Variants in PRORP observed in about 807,000 individuals in gnomAD.
The protein encoded by PRORP is protein only RNase P catalytic subunit.
A neutral mutation model predicts 59.4 loss-of-function variants in PRORP; 51 were observed. That is an observed-to-expected ratio of 0.86 (90% CI 0.69 to 1.08). PRORP has a LOEUF of 1.08. Among genes scored for constraint, PRORP ranks in the 50% least tolerant of loss-of-function variants. PRORP has a pLI of 0.00. For synonymous variants in PRORP, 231 were observed against 245.6 expected (o/e 0.94, Z 0.55); for missense variants, 646 against 690.3 (o/e 0.94, Z 0.72).
chr14:35,155,642 G>A (rs78317207), intron 4 of PRORP, among the ~76,000 whole-genome samples: 60 of 150,294 alleles, frequency 4.0e-4, no homozygotes, highest in African/African-American at 1.3e-3. Flanking sequence ...TTATAAAACA[G>A]TGCTTTCTTA....
intron 4 of PRORP, among the ~76,000 whole-genome samples, chr14:35,152,792 G>A (rs1262075486): frequency 1.3e-5 from 2 of 151,930 alleles, no homozygotes; most frequent in Non-Finnish European, 2.9e-5. Context: ...CATCCCAGAC[G>A]GGGAGGCGGA....
chr14:35,253,012 A>G (rs2050650798), intron 5 of PRORP, among the ~76,000 whole-genome samples: 1 of 152,180 alleles, frequency 6.6e-6, no homozygotes, highest in South Asian at 2.1e-4. Context: ...AATATTCTCA[A>G]GTCTCTTCCA....
At chr14:35,235,226 A>G in intron 5 of PRORP, 2 of 725,402 alleles carry the variant, frequency 2.8e-6, no homozygotes, top group Admixed American at 1.8e-5. Flanking sequence ...GAGCTTGGTG[A>G]TGCGAGCCAC....
At chr14:35,154,390 A>G (rs957028239) in intron 4 of PRORP, among the ~76,000 whole-genome samples, 1 of 152,138 alleles carries the variant, frequency 6.6e-6, no homozygotes, top group Non-Finnish European at 1.5e-5. Flanking sequence ...CCAAGTTGTT[A>G]TGTCTTGAGC....
At chr14:35,152,019 A>G (rs1486909045) in intron 4 of PRORP, among the ~76,000 whole-genome samples, 1 of 150,206 alleles carries the variant, frequency 6.7e-6, no homozygotes, top group African/African-American at 2.5e-5. Context: ...AGTGGAGGGA[A>G]GGTCAGCAGA....
intron 5 of PRORP, among the ~76,000 whole-genome samples, chr14:35,207,953 C>T (rs2049336376): frequency 6.6e-6 from 1 of 152,132 alleles, no homozygotes; most frequent in African/African-American, 2.4e-5. Flanking sequence ...AGTTCAAGAC[C>T]AGCCTGGCCA....
At chr14:35,240,201 T>G (rs1268122470) in intron 5 of PRORP, among the ~76,000 whole-genome samples, 1 of 152,142 alleles carries the variant, frequency 6.6e-6, no homozygotes, top group East Asian at 1.9e-4. Flanking sequence ...TATGCCAGTT[T>G]CCTTGCATTC....
chr14:35,140,879 G>T (rs1211993497), intron 4 of PRORP, among the ~76,000 whole-genome samples: 1 of 145,930 alleles, frequency 6.9e-6, no homozygotes, highest in Non-Finnish European at 1.5e-5. Flanking sequence ...TTAAACATTT[G>T]TTTACTGTAA....
At chr14:35,196,885 TC>T (rs1412937470) in intron 5 of PRORP, among the ~76,000 whole-genome samples, 7 of 152,180 alleles carry the variant, frequency 4.6e-5, no homozygotes, top group Non-Finnish European at 1.0e-4. Context: ...AAGTTAATGA[TC>T]AACTGTCAGG....
intron 4 of PRORP, among the ~76,000 whole-genome samples, chr14:35,170,241 A>G (rs1365567189): frequency 6.6e-6 from 1 of 152,118 alleles, no homozygotes; most frequent in Non-Finnish European, 1.5e-5. Context: ...GTTGGATTTA[A>G]GCATTTTATT....
At chr14:35,132,300 A>G (rs1595164882) in intron 4 of PRORP, among the ~76,000 whole-genome samples, 1 of 150,138 alleles carries the variant, frequency 6.7e-6, no homozygotes, top group African/African-American at 2.4e-5. Context: ...TCTACAAAAT[A>G]TATAAAAATT....
intron 4 of PRORP, among the ~76,000 whole-genome samples, chr14:35,151,994 G>T (rs1432422768): frequency 6.7e-6 from 1 of 150,106 alleles, no homozygotes; most frequent in Non-Finnish European, 1.5e-5. Flanking sequence ...GGATTTGGCA[G>T]GGTCATAGGA....
At chr14:35,187,879 G>A (rs1377493302) in intron 5 of PRORP, among the ~76,000 whole-genome samples, 1 of 149,816 alleles carries the variant, frequency 6.7e-6, no homozygotes, top group Non-Finnish European at 1.5e-5. Context: ...ACAGAGTCTC[G>A]CTTTGTCGCC....
chr14:35,153,063 T>C (rs1028563228), intron 4 of PRORP, among the ~76,000 whole-genome samples: 1 of 152,176 alleles, frequency 6.6e-6, no homozygotes, highest in South Asian at 2.1e-4. Context: ...AGGTTGTAGC[T>C]AGCCGAGATC....
chr14:35,259,687 T>G lies in PRORP; in HGVS notation c.1276-7040T>G, dbSNP rs558370940. Among the ~76,000 whole-genome samples, 3 of 152,204 alleles carry G rather than the reference T, an allele frequency of 2.0e-5. No individual in the cohort carries two copies. The South Asian group carries it at 6.2e-4, about 32-fold the overall frequency. On this transcript the variant is annotated intron_variant, in intron 5 of 7. Transcript: ENST00000534898. ...GGGTGGATCATTTGAGGTCAGGAAT[T>G]CAAAACCAGCCTGGCCAACATGGTG...
At chr14:35,240,639 G>A (rs2050341310) in intron 5 of PRORP, among the ~76,000 whole-genome samples, 2 of 152,002 alleles carry the variant, frequency 1.3e-5, no homozygotes, top group South Asian at 4.2e-4. Context: ...CAGTTTTCTG[G>A]CTATTAGATT....
chr14:35,199,981 G>C (rs962945773), intron 5 of PRORP, among the ~76,000 whole-genome samples: 4 of 152,170 alleles, frequency 2.6e-5, no homozygotes, highest in African/African-American at 9.7e-5. Flanking sequence ...GTTGAGGAAA[G>C]AGATAACAGG....
At chr14:35,174,932 C>A (rs1382201355) in intron 4 of PRORP, among the ~76,000 whole-genome samples, 1 of 136,034 alleles carries the variant, frequency 7.4e-6, no homozygotes, top group Admixed American at 8.0e-5. Context: ...GTGATGTTCC[C>A]CTTCCTATGT....
At chr14:35,251,017 C>T (rs1036876636) in intron 5 of PRORP, among the ~76,000 whole-genome samples, 3 of 152,076 alleles carry the variant, frequency 2.0e-5, no homozygotes, top group African/African-American at 7.2e-5. Flanking sequence ...ATCCCTTACC[C>T]CTTCCCACTC....
Sources: allele counts gnomAD v4.1 joint callset (sites outside exome capture counted in the v4.1 genomes callset), GRCh38; gene constraint gnomAD v4.1.1; transcripts MANE v1.5; gene names NCBI Gene and HGNC (gene_info 2026-07-23, HGNC 2026-07-21).